NALCN: variants seen among roughly 807,000 people sequenced by gnomAD.
The protein encoded by NALCN is sodium leak channel NALCN.
In NALCN, 111 loss-of-function variants were observed where a neutral mutation model predicts 225.3. The ratio of observed to expected loss-of-function variants is 0.49; its 90% confidence interval spans 0.42 to 0.58. NALCN has a LOEUF of 0.58. NALCN is among the 20% of genes least tolerant of loss of function. The pLI is 0.00. For missense variants in NALCN, 1,378 were observed against 2,202.4 expected (o/e 0.63, Z 7.49); for synonymous variants, 764 against 769.0 (o/e 0.99, Z 0.11).
At chr13:101,240,071 A>G (rs559279702) in intron 11 of NALCN, among the ~76,000 whole-genome samples, 1 of 152,208 alleles carries the variant, frequency 6.6e-6, no homozygotes, top group African/African-American at 2.4e-5. Context: ...AATCTTTGCT[A>G]TATATACTGC....
chr13:101,082,379 C>T (rs528745757), intron 33 of NALCN, among the ~76,000 whole-genome samples: 1 of 152,276 alleles, frequency 6.6e-6, no homozygotes, highest in East Asian at 1.9e-4. Context: ...TGGGAAACAT[C>T]AACCAGTGTA....
At chr13:101,181,765 CA>C (rs1388454160) in intron 14 of NALCN, among the ~76,000 whole-genome samples, 10 of 151,490 alleles carry the variant, frequency 6.6e-5, no homozygotes, top group Non-Finnish European at 8.8e-5. Flanking sequence ...ACAAACAAAA[CA>C]AAAAAATAAA....
intron 10 of NALCN, among the ~76,000 whole-genome samples, chr13:101,276,220 G>A (rs1014898103): frequency 6.6e-6 from 1 of 151,940 alleles, no homozygotes; most frequent in African/African-American, 2.4e-5. Flanking sequence ...TAGGACATTC[G>A]CTTACTCGTT....
At chr13:101,061,266 C>A (rs2031913943) in intron 41 of NALCN, among the ~76,000 whole-genome samples, 1 of 152,154 alleles carries the variant, frequency 6.6e-6, no homozygotes, top group African/African-American at 2.4e-5. Flanking sequence ...GACATTATCA[C>A]AGTTTGTTGA....
At chr13:101,270,355 C>T (rs1181144657) in intron 10 of NALCN, among the ~76,000 whole-genome samples, 1 of 152,180 alleles carries the variant, frequency 6.6e-6, no homozygotes, top group Non-Finnish European at 1.5e-5. Flanking sequence ...ATTCCTACAT[C>T]TAGAATCACT....
At chr13:101,383,143 A>C (rs1478779959) in intron 3 of NALCN, among the ~76,000 whole-genome samples, 1 of 152,174 alleles carries the variant, frequency 6.6e-6, no homozygotes, top group Non-Finnish European at 1.5e-5. Flanking sequence ...AAATTCTGCC[A>C]AGTCTGTGCC....
intron 15 of NALCN, 115 bp from the exon 16 acceptor site, chr13:101,145,011 A>C: frequency 8.3e-7 from 1 of 1,198,940 alleles, no homozygotes; most frequent in Non-Finnish European, 1.1e-6. Flanking sequence ...ATGCCAGTAG[A>C]TGGCAGCAAA....
chr13:101,168,576 G>A (rs114287656), intron 15 of NALCN, among the ~76,000 whole-genome samples: 14,971 of 152,030 alleles, frequency 0.098, 814 homozygotes, highest in Middle Eastern at 0.13. Context: ...GTACTCCACC[G>A]CTTTCGATAT....
intron 7 of NALCN, among the ~76,000 whole-genome samples, chr13:101,301,679 C>A (rs531074085): frequency 5.3e-5 from 8 of 151,688 alleles, no homozygotes; most frequent in Admixed American, 2.0e-4. Context: ...CGAGATCACA[C>A]CACCGCACTC....
At chr13:101,116,590 A>G (rs1241163111) in intron 18 of NALCN, 1 of 508,556 alleles carries the variant, frequency 2.0e-6, no homozygotes, top group Non-Finnish European at 3.9e-6. Context: ...AAGCCTATAC[A>G]TTCTGTAATG....
chr13:101,107,351 G>A (rs190899535), intron 22 of NALCN, 136 bp downstream of exon 22: 65 of 1,436,940 alleles, frequency 4.5e-5, no homozygotes, highest in East Asian at 1.4e-4. Flanking sequence ...CAGCAAAGAG[G>A]AGCAGCATGA....
Position 101,416,042 on chromosome 13 carries a change from T to A in NALCN, c.-40+271A>T, listed in dbSNP as rs1173436713. On this transcript the variant is annotated intron_variant, in intron 1 of 43. Transcript: ENST00000251127. ...CGCCCCCGACACCCACGCGCAGGAA[T>A]AGGGAGGGCGCATCGCGGCTCCCGC... 2.6e-5 allele frequency among the ~76,000 whole-genome samples: 4 copies of A among 151,554 alleles called. No homozygotes were observed. In the East Asian group the frequency reaches 7.9e-4, roughly 30 times the overall value.
At chr13:101,398,877 C>T (rs1025938647) in intron 2 of NALCN, 142 bp downstream of exon 2, 1 of 574,986 alleles carries the variant, frequency 1.7e-6, no homozygotes, top group Non-Finnish European at 3.2e-6. Context: ...TTGGATTGTT[C>T]TCTACTTCCA....
chr13:101,231,228 A>G (rs2041334307), intron 12 of NALCN, among the ~76,000 whole-genome samples: 1 of 152,128 alleles, frequency 6.6e-6, no homozygotes, highest in South Asian at 2.1e-4. Flanking sequence ...ATATATACAG[A>G]TATATTTAGA....
intron 7 of NALCN, among the ~76,000 whole-genome samples, chr13:101,324,794 C>G (rs532070907): frequency 3.7e-4 from 56 of 152,266 alleles, no homozygotes; most frequent in African/African-American, 1.3e-3. Flanking sequence ...CTGCCCTGGC[C>G]AGAACTTCCA....
At chr13:101,348,860 T>C (rs1410057603) in intron 6 of NALCN, among the ~76,000 whole-genome samples, 1 of 152,206 alleles carries the variant, frequency 6.6e-6, no homozygotes, top group Non-Finnish European at 1.5e-5. Context: ...CACAAGGTAA[T>C]TACTGTTTTT....
At chr13:101,106,876 T>C (rs993354672) in intron 22 of NALCN, among the ~76,000 whole-genome samples, 8 of 152,300 alleles carry the variant, frequency 5.3e-5, no homozygotes, top group African/African-American at 1.9e-4. Flanking sequence ...CATACAGGTA[T>C]GCTTGACAAA....
In NALCN at chr13:101,132,816, TAAC is replaced by T. The variant is rs563004608; in HGVS notation, c.2119-8138_2119-8136del. Reference sequence around the variant, plus strand: ...AAAAAGCATTTTCTAAACTATATCATAACAAAATATTATCTGCTTGACTTGAAA... The same window carrying T: ...AAAAAGCATTTTCTAAACTATATCATAAAATATTATCTGCTTGACTTGAAA... On this transcript the variant is annotated intron_variant, in intron 17 of 43. Transcript: ENST00000251127. 1.2e-4 allele frequency among the ~76,000 whole-genome samples: 19 copies of T among 152,274 alleles called. No homozygotes were observed. The South Asian group carries it at 3.5e-3, about 28-fold the overall frequency.
chr13:101,154,625 T>G (rs2037815144), intron 15 of NALCN, among the ~76,000 whole-genome samples: 1 of 152,210 alleles, frequency 6.6e-6, no homozygotes, highest in Non-Finnish European at 1.5e-5. Context: ...CAACTCTCTG[T>G]GGCCCTGTGG....
Sources: gnomAD v4.1 joint callset for allele counts (sites outside exome capture counted in the v4.1 genomes callset) on GRCh38, gnomAD v4.1.1 for gene constraint, MANE v1.5 for transcripts, NCBI Gene and HGNC (gene_info 2026-07-23, HGNC 2026-07-21) for gene names.